TCOF1: variants seen among roughly 807,000 people sequenced by gnomAD.
TCOF1 encodes the protein treacle ribosome biogenesis factor 1.
In TCOF1, 33 loss-of-function variants were observed where a neutral mutation model predicts 149.0. The ratio of observed to expected loss-of-function variants is 0.22; its 90% CI spans 0.17 to 0.30. The LOEUF (loss-of-function observed/expected upper bound fraction) is 0.30. Among genes scored for constraint, TCOF1 ranks in the 10% least tolerant of loss-of-function variants. The pLI, the probability that TCOF1 is intolerant of heterozygous loss-of-function variation, is 1.00. For synonymous variants in TCOF1, 789 were observed against 738.8 expected, an observed-to-expected ratio of 1.07 and a Z score of -1.10; for missense variants, 1,728 against 1,840.7, an observed-to-expected ratio of 0.94 and a Z score of 1.12.
At position 150,396,431 on chromosome 5, in the gene TCOF1, G is replaced by T; in HGVS notation, c.3934G>T (p.Val1312Leu). 6.2e-7 allele frequency: 1 copy of T among 1,614,112 alleles called. No individual in the cohort carries two copies. Residue 1312 changes from valine (V) to leucine (L), a missense_variant, in exon 24 of 27, where the codon GTG becomes TTG. Physicochemically the swap from Val to Leu is conservative, Grantham distance 32. Around this residue, in one of 2 missense-constraint regions of TCOF1, gnomAD observed 1,696 missense variants for 1,765.4 expected, o/e 0.96. Transcript: ENST00000643257. Reference sequence around the variant, plus strand: ...ACCCTGGCCCCTGAATGAGGCCCAGGTGCAGGCCTCAGTGGTGAAGGTCCT... The same window carrying T: ...ACCCTGGCCCCTGAATGAGGCCCAGTTGCAGGCCTCAGTGGTGAAGGTCCT... ...GQPWPLNEAQ[V>L]QASVVKVLTE...
chr5:150,372,650 CAG>C (rs753269278), intron 7 of TCOF1, among the ~76,000 whole-genome samples: 2 of 152,130 alleles, frequency 1.3e-5, no homozygotes, highest in African/African-American at 4.8e-5. Flanking sequence ...AAGGGCAAGA[CAG>C]GGGGGCTGGA....
At position 150,389,971 on chromosome 5, in the gene TCOF1, A is replaced by G. The variant is rs373231270; in HGVS notation, c.3131A>G (p.Lys1044Arg). 12 of 1,614,050 alleles carry G rather than the reference A, an allele frequency of 7.4e-6. No individual in the cohort carries two copies. Among genetic ancestry groups the G allele is most frequent in the African/African-American group, 1.3e-5 (1 of 74,938 alleles). ...AGCATGGCTGGGGCCAGCAGCAGCAAGGAGTCCAGTCGGATATCAGATGGC... is the reference window on the plus strand; with the variant it reads ...AGCATGGCTGGGGCCAGCAGCAGCAGGGAGTCCAGTCGGATATCAGATGGC... ...KASMAGASSS[K>R]ESSRISDGKK... The change falls in exon 19 of 27, where the codon AAG becomes AGG. Residue 1044 changes from lysine to arginine, a missense_variant. Around this residue, in one of 2 missense-constraint regions of TCOF1, gnomAD observed 1,696 missense variants for 1,765.4 expected, o/e 0.96. Transcript: ENST00000643257.
chr5:150,377,962 T>G (rs1468885909), intron 14 of TCOF1, among the ~76,000 whole-genome samples: 1 of 152,232 alleles, frequency 6.6e-6, no homozygotes, highest in Non-Finnish European at 1.5e-5. Context: ...ATTTAAATCC[T>G]TTTTTGTGTA....
rs1767571846 is a variant in TCOF1 at position 150,392,164 on chromosome 5, G to T, written c.3505G>T (p.Ala1169Ser). The stretch of plus-strand genomic sequence containing the variant: ...TGAAGGGCCCCAGGGGGCCAAGTCA[G>T]CCCACACGCTGGGTGAGGGTGCCAG... Reference protein sequence around the residue: ...DGEGPQGAKSAHTLVGPTPSR... With the variant: ...DGEGPQGAKSSHTLVGPTPSR... The change falls in exon 21 of 27, where the codon GCC (alanine) becomes TCC (serine). Residue 1169 changes from alanine (A) to serine (S), a missense_variant. Coordinates refer to ENST00000643257, the MANE Select transcript of TCOF1 (RefSeq NM_001371623.1). 1 of 1,613,822 alleles carries T rather than the reference G, an allele frequency of 6.2e-7. No individual in the cohort carries two copies. The highest frequency in any genetic ancestry group is 1.3e-5 in the African/African-American group (1 of 74,928).
chr5:150,393,051 G>C, intron 22 of TCOF1: 1 of 592,836 alleles, frequency 1.7e-6, no homozygotes, highest in Non-Finnish European at 3.0e-6. Context: ...GGTGATGTCC[G>C]GACAAAAACA....
chr5:150,384,793 C>T (rs1189289549), intron 17 of TCOF1: 1 of 985,312 alleles, frequency 1.0e-6, no homozygotes, highest in Non-Finnish European at 1.2e-6. Context: ...ATTTTTAGTT[C>T]CTAATCCCCA....
intron 1 of TCOF1, among the ~76,000 whole-genome samples, chr5:150,359,159 C>T (rs958662904): frequency 6.6e-6 from 1 of 152,058 alleles, no homozygotes; most frequent in Non-Finnish European, 1.5e-5. Context: ...CCAGCCTGAC[C>T]GACATGGTGA....
chr5:150,365,372 G>A (rs929714070), intron 3 of TCOF1, among the ~76,000 whole-genome samples: 7 of 150,808 alleles, frequency 4.6e-5, no homozygotes, highest in East Asian at 1.9e-4. Flanking sequence ...GAGCCACTGC[G>A]CCCTGGATAT....
chr5:150,381,624 C>A (rs1483810088), intron 17 of TCOF1, among the ~76,000 whole-genome samples: 2 of 152,214 alleles, frequency 1.3e-5, no homozygotes, highest in African/African-American at 2.4e-5. Context: ...GACCTAAATG[C>A]CAGACTAAGA....
chr5:150,365,395 G>A (rs557492562), intron 3 of TCOF1, among the ~76,000 whole-genome samples: 25 of 151,410 alleles, frequency 1.7e-4, no homozygotes, highest in Non-Finnish European at 1.8e-4. Context: ...ATTATATATC[G>A]CTTAATTTTA....
At position 150,374,174 on chromosome 5, in the gene TCOF1, G is replaced by C; in HGVS notation, c.871G>C (p.Val291Leu). Residue 291 changes from valine to leucine, a missense_variant and splice_region_variant, in exon 8 of 27, where the codon GTA (valine) becomes CTA (leucine). Val to Leu is a conservative substitution (Grantham distance 32). Around this residue, in one of 2 missense-constraint regions of TCOF1, gnomAD observed 1,696 missense variants for 1,765.4 expected, o/e 0.96. Coordinates refer to ENST00000643257, the MANE Select transcript of TCOF1 (RefSeq NM_001371623.1). ...CAAGCTGCCCTTTCTTTTTCACCAG[G>C]TAAAGGCCTCTGAAAAAATTCTCCA... ...EEAPAGTRSQ[V>L]KASEKILQVR... is the part of the protein sequence containing the mutation. 1 of 1,611,162 alleles carries C rather than the reference G, an allele frequency of 6.2e-7. No homozygotes were observed. Among genetic ancestry groups the C allele is most frequent in the Non-Finnish European group, 8.5e-7 (1 of 1,179,032 alleles).
At chr5:150,383,951 T>C in intron 17 of TCOF1, 1 of 1,451,642 alleles carries the variant, frequency 6.9e-7, no homozygotes, top group Non-Finnish European at 9.0e-7. Context: ...GTGTGAACCC[T>C]GGCCCTTCCA....
intron 17 of TCOF1, among the ~76,000 whole-genome samples, chr5:150,383,549 C>T (rs1199863974): frequency 6.6e-6 from 1 of 152,260 alleles, no homozygotes; most frequent in Non-Finnish European, 1.5e-5. Context: ...GTACTTGCCA[C>T]AGTCCCCTGC....
At chr5:150,365,638 T>G (rs573943280) in intron 3 of TCOF1, among the ~76,000 whole-genome samples, 2 of 152,246 alleles carry the variant, frequency 1.3e-5, no homozygotes, top group East Asian at 3.9e-4. Context: ...TCTTACTGAT[T>G]GGCTATTTGG....
intron 17 of TCOF1, chr5:150,383,024 TC>T (rs1208890839): frequency 6.7e-7 from 1 of 1,483,986 alleles, no homozygotes; most frequent in Non-Finnish European, 9.0e-7. Flanking sequence ...AATGCCCCAC[TC>T]CCCGACCACG....
intron 25 of TCOF1, 94 bp downstream of exon 25, chr5:150,398,545 T>A: frequency 6.3e-7 from 1 of 1,588,184 alleles, no homozygotes; most frequent in Non-Finnish European, 8.6e-7. Flanking sequence ...CCCTTCCCAT[T>A]TTCGGGGCCC....
Position 150,375,805 on chromosome 5 carries a change from G to T in TCOF1, c.1789G>T (p.Val597Phe), listed in dbSNP as rs147742838. Reference protein sequence around the residue: ...GPPQKAGPVAVQVKAEKPMDN... With the variant: ...GPPQKAGPVAFQVKAEKPMDN... The stretch of plus-strand genomic sequence containing the variant: ...CCCTCAGAAGGCAGGGCCTGTAGCC[G>T]TCCAGGTCAAGGCTGAAAAGCCCAT... The change falls in exon 12 of 27, where the codon GTC becomes TTC. Residue 597 changes from valine (V) to phenylalanine (F), a missense_variant. Physicochemically the swap from Val to Phe is conservative, Grantham distance 50. Coordinates refer to ENST00000643257, the MANE Select transcript of TCOF1 (RefSeq NM_001371623.1). 5.0e-6 allele frequency: 8 copies of T among 1,614,232 alleles called. No homozygotes were observed. The South Asian group carries it at 8.8e-5, about 18-fold the overall frequency.
At chr5:150,364,279 GGCTAT>G in intron 3 of TCOF1, 27 bp downstream of exon 3, 1 of 1,613,858 alleles carries the variant, frequency 6.2e-7, no homozygotes, top group Non-Finnish European at 8.5e-7. Context: ...TTTGGGAACA[GGCTAT>G]GGAATATTGA....
In TCOF1 at chr5:150,388,108, A is replaced by G. The variant is rs377243152; in HGVS notation, c.3046+20A>G. The stretch of plus-strand genomic sequence containing the variant: ...CTCCTGGTGAGCGCAGCCCTTATGC[A>G]GTGGTGGGAGGGGCTGCCAGCACTG... On this transcript the variant is annotated intron_variant, in intron 18 of 26. Transcript: ENST00000643257. 10 of 1,612,272 alleles carry G rather than the reference A, an allele frequency of 6.2e-6. No homozygotes were observed. In the African/African-American group the frequency reaches 9.4e-5, roughly 15 times the overall value.
Sources: gnomAD v4.1 joint callset for allele counts (sites outside exome capture counted in the v4.1 genomes callset) on GRCh38, gnomAD v4.1.1 for gene constraint, gnomAD v4.1.1 regional missense constraint, MANE v1.5 for transcripts, NCBI Gene and HGNC (gene_info 2026-07-23, HGNC 2026-07-21) for gene names.